Variants in TENM3 observed in about 807,000 individuals in gnomAD.
TENM3 encodes teneurin transmembrane protein 3.
A neutral mutation model predicts 255.1 loss-of-function variants in TENM3; 63 were observed. The observed-to-expected ratio is 0.25, with a 90% CI of 0.20 to 0.30. The LOEUF is 0.30. Ranked by LOEUF, TENM3 falls within the 10% of genes least tolerant of loss-of-function variation. TENM3 has a pLI of 1.00. For synonymous variants in TENM3, 1,306 were observed against 1,322.3 expected (o/e 0.99, Z 0.27); for missense variants, 2,929 against 3,461.1 (o/e 0.85, Z 3.86).
chr4:181,532,233 A>T, the TENM3 span, among the ~76,000 whole-genome samples: 2 of 152,136 alleles, frequency 1.3e-5, no homozygotes, highest in Non-Finnish European at 2.9e-5. Context: ...CCTAAAGAAG[A>T]TCTAAATGGA....
chr4:182,055,805 C>A, the TENM3 span, among the ~76,000 whole-genome samples: 4 of 151,974 alleles, frequency 2.6e-5, no homozygotes, highest in African/African-American at 9.7e-5. Flanking sequence ...TGACTTGGAA[C>A]CTGTGTTACA....
the TENM3 span, among the ~76,000 whole-genome samples, chr4:181,947,440 G>A: frequency 6.6e-6 from 1 of 152,182 alleles, no homozygotes; most frequent in Middle Eastern, 3.4e-3. Flanking sequence ...ACCTATGTGA[G>A]CGCTGGTATT....
At chr4:182,472,522 T>G (rs867045645) in intron 3 of TENM3, among the ~76,000 whole-genome samples, 2 of 152,326 alleles carry the variant, frequency 1.3e-5, no homozygotes, top group South Asian at 2.1e-4. Flanking sequence ...TTTTAAAGAT[T>G]TGTAAGGGTT....
intron 3 of TENM3, among the ~76,000 whole-genome samples, chr4:182,405,581 G>A (rs1052088062): frequency 1.3e-5 from 2 of 152,154 alleles, no homozygotes; most frequent in Non-Finnish European, 2.9e-5. Context: ...TTTAACAAAC[G>A]TTCAGTGAGT....
At chr4:182,020,334 C>G in the TENM3 span, among the ~76,000 whole-genome samples, 1 of 151,854 alleles carries the variant, frequency 6.6e-6, no homozygotes, top group Non-Finnish European at 1.5e-5. Context: ...CCATTGCACT[C>G]CAGCCTGGGC....
rs1428220042 is a variant in TENM3 at position 182,799,615 on chromosome 4, A to G, written c.7364A>G (p.Gln2455Arg). The part of the protein sequence containing the change: ...DDIPPIFGVQ[Q>R]QVARQAKAFL... ...CCGCAGCCCATCTTCGGAGTCCAGC[A>G]GCAAGTGGCGCGGCAGGCCAAGGCC... is the stretch of plus-strand genomic sequence containing the variant. Residue 2455 changes from glutamine (Q) to arginine (R), a missense_variant, in exon 28 of 28, where the codon CAG (glutamine) becomes CGG (arginine). This residue lies in a region of TENM3 where 476 missense variants were observed against 480.1 expected (regional missense o/e 0.99). Coordinates refer to ENST00000511685, the MANE Select transcript of TENM3 (RefSeq NM_001080477.4). The surrounding 1 kb of genome is among the most constrained non-coding windows in gnomAD (Gnocchi z 4.2). The G allele has an allele frequency of 6.5e-7, 1 of 1,542,486 alleles. No individual in the cohort carries two copies.
At chr4:181,712,031 AT>A in the TENM3 span, among the ~76,000 whole-genome samples, 1 of 152,128 alleles carries the variant, frequency 6.6e-6, no homozygotes, top group African/African-American at 2.4e-5. Context: ...TATCGGTCAA[AT>A]TCCCCATTTT....
the TENM3 span, among the ~76,000 whole-genome samples, chr4:181,742,653 T>A: frequency 6.6e-6 from 1 of 151,872 alleles, no homozygotes. Flanking sequence ...GAAGTGCTTT[T>A]TTTTGCTGTT....
At chr4:182,413,337 C>T (rs1371333968) in intron 3 of TENM3, among the ~76,000 whole-genome samples, 2 of 152,196 alleles carry the variant, frequency 1.3e-5, no homozygotes, top group Non-Finnish European at 2.9e-5. Flanking sequence ...TATCTACAGG[C>T]TGGGCACGCT....
At chr4:181,843,697 C>G in the TENM3 span, among the ~76,000 whole-genome samples, 12 of 150,714 alleles carry the variant, frequency 8.0e-5, no homozygotes, top group African/African-American at 2.7e-4. Flanking sequence ...AGTGAGGCAC[C>G]GCCTCTGGTA....
chr4:181,705,029 C>A, the TENM3 span, among the ~76,000 whole-genome samples: 2 of 135,262 alleles, frequency 1.5e-5, no homozygotes, highest in African/African-American at 5.5e-5. Context: ...GAGTGAGACT[C>A]CATCTCAAAA....
intron 1 of TENM3, among the ~76,000 whole-genome samples, chr4:182,309,184 T>A (rs1762301558): frequency 6.6e-6 from 1 of 152,178 alleles, no homozygotes. Flanking sequence ...GGTTTGGGAA[T>A]TCGTCTGTCC....
intron 19 of TENM3, among the ~76,000 whole-genome samples, chr4:182,746,613 G>A (rs535430323): frequency 1.3e-5 from 2 of 152,262 alleles, no homozygotes; most frequent in African/African-American, 4.8e-5. Flanking sequence ...TTAGGATCCT[G>A]AACAAGTGGC....
chr4:181,918,135 G>A, the TENM3 span, among the ~76,000 whole-genome samples: 1 of 152,030 alleles, frequency 6.6e-6, no homozygotes, highest in Admixed American at 6.6e-5. Flanking sequence ...TTTTATTTGT[G>A]GGTGAAAGTT....
At chr4:181,924,226 C>T in the TENM3 span, among the ~76,000 whole-genome samples, 4 of 152,140 alleles carry the variant, frequency 2.6e-5, no homozygotes, top group African/African-American at 9.7e-5. Flanking sequence ...ATATAGCATC[C>T]ATCTCGTCCC....
intron 2 of TENM3, among the ~76,000 whole-genome samples, 188 bp downstream of exon 2, chr4:182,324,440 G>T (rs140048386): frequency 6.6e-6 from 1 of 152,356 alleles, no homozygotes; most frequent in African/African-American, 2.4e-5. Context: ...TGGGCACATT[G>T]GTGCCCCAGG....
intron 1 of TENM3, among the ~76,000 whole-genome samples, chr4:182,313,729 T>C (rs967033930): frequency 1.2e-4 from 19 of 152,210 alleles, no homozygotes; most frequent in African/African-American, 4.6e-4. Context: ...GGCCTCCTGT[T>C]TTCTCTCTCT....
At chr4:182,186,786 TATATATATATATATATATA>T (rs1753185277) in intron 1 of TENM3, among the ~76,000 whole-genome samples, 1 of 79,904 alleles carries the variant, frequency 1.3e-5, no homozygotes, top group African/African-American at 5.1e-5. Flanking sequence ...TATATATATA[TATATATATATATATATATA>T]TATATATATG....
chr4:181,968,194 C>T, the TENM3 span, among the ~76,000 whole-genome samples: 243 of 152,214 alleles, frequency 1.6e-3, 12 homozygotes, highest in South Asian at 0.049. Flanking sequence ...GGTGTGAGAC[C>T]TCCTGTTATG....
Sources: gnomAD v4.1 joint callset for allele counts (sites outside exome capture counted in the v4.1 genomes callset) on GRCh38, gnomAD v4.1.1 for gene constraint, gnomAD v4.1.1 regional missense constraint, Gnocchi (gnomAD v3.1) non-coding constraint, MANE v1.5 for transcripts, NCBI Gene and HGNC (gene_info 2026-07-23, HGNC 2026-07-21) for gene names.